Variants in PARG observed in about 807,000 individuals in gnomAD.
The protein encoded by PARG is mitochondrial poly(ADP-ribose) glycohydrolase.
Under a neutral mutation model 113.0 loss-of-function variants are expected in PARG, and 35 were observed. That is an observed-to-expected ratio of 0.31 (90% CI 0.24 to 0.41). PARG has a LOEUF of 0.41. Ranked by LOEUF, PARG falls within the 10% of genes least tolerant of loss-of-function variation. PARG has a pLI of 1.00. For missense variants in PARG, 797 were observed against 1,169.4 expected, an observed-to-expected ratio of 0.68 and a Z score of 4.64; for synonymous variants, 330 against 409.9, an observed-to-expected ratio of 0.81 and a Z score of 2.36.
chr10:49,912,640 T>A lies in PARG; in HGVS notation c.1737+3277A>T, dbSNP rs1837261502. On this transcript the variant is annotated intron_variant, in intron 7 of 17. Coordinates refer to ENST00000616448, the MANE Select transcript of PARG (RefSeq NM_003631.5). ...ATTACATCACTGCATTCCAGTCTGG[T>A]GACAGAGCTGGAATCCATCTCGAAA... Among the ~76,000 whole-genome samples the A allele has an allele frequency of 2.0e-5, 3 of 150,624 alleles. No individual in the cohort carries two copies. In the South Asian group the frequency reaches 6.3e-4, roughly 32 times the overall value.
chr10:49,931,197 T>A (rs1423093452), intron 4 of PARG, among the ~76,000 whole-genome samples: 3 of 152,170 alleles, frequency 2.0e-5, no homozygotes, highest in Non-Finnish European at 4.4e-5. Context: ...TATAATGTTA[T>A]AATGTTAGTC....
chr10:49,941,513 C>T lies in PARG; in HGVS notation c.213G>A (p.Ser71=), dbSNP rs1839068527. 1.0e-5 allele frequency: 16 copies of T among 1,549,972 alleles called. No homozygotes were observed. The East Asian group carries it at 3.9e-4, about 38-fold the overall frequency. The part of the protein sequence containing the change: ...RAGQHRGSAT[S]LVFKQKTITS... ...GATTTTTATTTTCCCACGTACCAAG[C>T]GAGGTGGCGCTGCCTCTGTGCTGTC... Residue 71 remains serine, a synonymous_variant, in exon 1 of 18, where the codon TCG becomes TCA. Transcript: ENST00000616448.
At chr10:49,889,421 T>G (rs1248787533) in intron 7 of PARG, among the ~76,000 whole-genome samples, 2 of 152,200 alleles carry the variant, frequency 1.3e-5, no homozygotes, top group African/African-American at 4.8e-5. Context: ...CAGCCTTTAG[T>G]ACCCAAAGTG....
chr10:49,904,656 T>C (rs1418655859), intron 7 of PARG, among the ~76,000 whole-genome samples: 5 of 151,916 alleles, frequency 3.3e-5, no homozygotes, highest in African/African-American at 9.6e-5. Flanking sequence ...AGCTCATGCC[T>C]GTAATCCCAG....
chr10:49,884,507 A>G (rs1256877280), intron 8 of PARG, among the ~76,000 whole-genome samples: 2 of 152,178 alleles, frequency 1.3e-5, no homozygotes, highest in South Asian at 2.1e-4. Flanking sequence ...GTTGAGGCAC[A>G]AGAATTGCTT....
chr10:49,902,495 A>G (rs1848388960), intron 7 of PARG, among the ~76,000 whole-genome samples: 1 of 152,182 alleles, frequency 6.6e-6, no homozygotes, highest in Non-Finnish European at 1.5e-5. Flanking sequence ...GAACTTACAG[A>G]GCTCAGAAAT....
At chr10:49,926,347 G>A (rs1838163999) in intron 4 of PARG, among the ~76,000 whole-genome samples, 1 of 151,922 alleles carries the variant, frequency 6.6e-6, no homozygotes, top group South Asian at 2.1e-4. Context: ...GCCTTGAGAA[G>A]TAAATGAGCC....
chr10:49,881,988 A>G (rs1270891979), intron 8 of PARG, among the ~76,000 whole-genome samples: 1 of 152,234 alleles, frequency 6.6e-6, no homozygotes, highest in African/African-American at 2.4e-5. Flanking sequence ...GGTTTTAGGA[A>G]GAAATGAGTT....
At chr10:49,842,369 G>A (rs1255589889) in intron 14 of PARG, among the ~76,000 whole-genome samples, 2 of 152,168 alleles carry the variant, frequency 1.3e-5, no homozygotes, top group South Asian at 2.1e-4. Flanking sequence ...GCAAACAAAA[G>A]GAATCTAGTT....
chr10:49,939,312 C>A (rs1311079704), intron 1 of PARG, among the ~76,000 whole-genome samples: 6 of 152,226 alleles, frequency 3.9e-5, no homozygotes, highest in African/African-American at 1.4e-4. Flanking sequence ...GTCTCCCTGT[C>A]TACAGCCTTG....
chr10:49,927,105 A>G (rs371073247), intron 4 of PARG, among the ~76,000 whole-genome samples: 508 of 151,658 alleles, frequency 3.3e-3, no homozygotes, highest in East Asian at 0.012. Flanking sequence ...TTAAGAGATC[A>G]AGACCATCCT....
At chr10:49,887,053 T>G (rs1158705519) in intron 7 of PARG, among the ~76,000 whole-genome samples, 1 of 151,872 alleles carries the variant, frequency 6.6e-6, no homozygotes, top group Non-Finnish European at 1.5e-5. Context: ...TTTATCTTTT[T>G]TTTTTTTTTT....
intron 7 of PARG, among the ~76,000 whole-genome samples, chr10:49,889,415 C>T (rs1474576584): frequency 4.3e-4 from 66 of 152,130 alleles, no homozygotes; most frequent in Non-Finnish European, 7.5e-4. Flanking sequence ...CCCAGTCAGC[C>T]TTTAGTACCC....
chr10:49,881,240 A>G (rs1554839432), intron 8 of PARG, among the ~76,000 whole-genome samples: 1 of 152,206 alleles, frequency 6.6e-6, no homozygotes, highest in Non-Finnish European at 1.5e-5. Context: ...CCTAAAATGT[A>G]TAAAGCCAAG....
chr10:49,849,752 C>T (rs191227281), intron 13 of PARG, among the ~76,000 whole-genome samples: 199 of 152,246 alleles, frequency 1.3e-3, no homozygotes, highest in African/African-American at 4.7e-3. Flanking sequence ...TTGGCTCATG[C>T]CGGTAAGCCC....
chr10:49,837,199 C>T (rs911176369), intron 15 of PARG, among the ~76,000 whole-genome samples: 2 of 152,062 alleles, frequency 1.3e-5, no homozygotes, highest in South Asian at 4.1e-4. Context: ...CAGACCTTTT[C>T]CAGAGGCCTG....
intron 15 of PARG, chr10:49,833,146 A>G (rs1844754886): frequency 3.6e-6 from 1 of 281,308 alleles, no homozygotes; most frequent in Non-Finnish European, 6.6e-6. Flanking sequence ...TTGAATGCTA[A>G]GCACATAAAA....
At chr10:49,897,977 A>G (rs1181439085) in intron 7 of PARG, among the ~76,000 whole-genome samples, 1 of 152,152 alleles carries the variant, frequency 6.6e-6, no homozygotes, top group African/African-American at 2.4e-5. Context: ...TGGGTGACAG[A>G]GCAAGACTCT....
intron 6 of PARG, among the ~76,000 whole-genome samples, chr10:49,917,177 T>C (rs1837525713): frequency 6.6e-6 from 1 of 152,148 alleles, no homozygotes; most frequent in East Asian, 1.9e-4. Context: ...AAGTCATACA[T>C]AACATTTTCC....
Sources: allele counts gnomAD v4.1 joint callset (sites outside exome capture counted in the v4.1 genomes callset), GRCh38; gene constraint gnomAD v4.1.1; transcripts MANE v1.5; gene names NCBI Gene and HGNC (gene_info 2026-07-23, HGNC 2026-07-21).